Variants in DNAH12 observed in about 807,000 individuals in gnomAD.
DNAH12 encodes dynein axonemal heavy chain 12.
Under a neutral mutation model 371.5 loss-of-function variants are expected in DNAH12, and 285 were observed. The ratio of observed to expected loss-of-function variants is 0.77; its 90% CI spans 0.70 to 0.85. DNAH12 has a LOEUF of 0.85. Among genes scored for constraint, DNAH12 ranks in the 40% least tolerant of loss-of-function variants. The pLI is 0.00. For synonymous variants in DNAH12, 1,200 were observed against 1,213.0 expected (o/e 0.99, Z 0.22); for missense variants, 3,611 against 3,689.4 (o/e 0.98, Z 0.55).
chr3:57,343,720 T>C (rs1553657032), intron 60 of DNAH12, among the ~76,000 whole-genome samples: 2 of 152,124 alleles, frequency 1.3e-5, no homozygotes, highest in African/African-American at 4.8e-5. Flanking sequence ...TGCCTGCCCC[T>C]GGGAACTGAA....
At chr3:57,482,403 A>G (rs2066775582) in intron 13 of DNAH12, among the ~76,000 whole-genome samples, 1 of 151,952 alleles carries the variant, frequency 6.6e-6, no homozygotes, top group African/African-American at 2.4e-5. Flanking sequence ...AATGGCGATC[A>G]TTAAAAAGTC....
chr3:57,356,772 C>T (rs2062811099), intron 59 of DNAH12, among the ~76,000 whole-genome samples: 2 of 152,100 alleles, frequency 1.3e-5, no homozygotes, highest in South Asian at 4.1e-4. Context: ...GACAGTCTCA[C>T]TCTGTTGCGC....
At chr3:57,524,394 T>C (rs1030849975) in intron 2 of DNAH12, among the ~76,000 whole-genome samples, 2 of 152,156 alleles carry the variant, frequency 1.3e-5, no homozygotes, top group African/African-American at 4.8e-5. Flanking sequence ...CAATAAACAG[T>C]TTACCTTCAA....
At chr3:57,335,415 C>G (rs1288784326) in intron 60 of DNAH12, among the ~76,000 whole-genome samples, 1 of 152,218 alleles carries the variant, frequency 6.6e-6, no homozygotes, top group African/African-American at 2.4e-5. Flanking sequence ...CTTGGTTCTA[C>G]TGATAAATAC....
In DNAH12 at chr3:57,481,308, C is replaced by T. The variant is rs13098175; in HGVS notation, c.1650+2068G>A. On this transcript the variant is annotated intron_variant, in intron 13 of 73. Coordinates refer to ENST00000495027, the MANE Select transcript of DNAH12 (RefSeq NM_001366028.2). Reference sequence around the variant, plus strand: ...AACAGAGAGCCAAATCACGAGTGAACTCCCATTCACAATTGCTTCAAAGAG... The same window carrying T: ...AACAGAGAGCCAAATCACGAGTGAATTCCCATTCACAATTGCTTCAAAGAG... Among the ~76,000 whole-genome samples the T allele has an allele frequency of 1.1e-4, 16 of 152,298 alleles. No homozygotes were observed. The East Asian group carries it at 2.9e-3, about 28-fold the overall frequency.
At position 57,408,225 on chromosome 3, in the gene DNAH12, G is replaced by A. The variant is rs539826094; in HGVS notation, c.6276+55C>T. The A allele has an allele frequency of 1.3e-4, 188 of 1,434,956 alleles. 2 individuals are homozygous for A. In the South Asian group the frequency reaches 2.4e-3, roughly 19 times the overall value. 88.9% of individuals were successfully genotyped at this position (1,434,956 alleles called of 1,614,324 possible). On this transcript the variant is annotated intron_variant, in intron 40 of 73. Transcript: ENST00000495027. ...ATAGCATCAAAAAAATAAAATAAGCGCCAAATGAGGGAAATATGTAATACT... is the reference window on the plus strand; with the variant it reads ...ATAGCATCAAAAAAATAAAATAAGCACCAAATGAGGGAAATATGTAATACT...
At chr3:57,536,810 C>T (rs1422581148) in intron 2 of DNAH12, among the ~76,000 whole-genome samples, 2 of 147,234 alleles carry the variant, frequency 1.4e-5, no homozygotes, top group African/African-American at 4.9e-5. Flanking sequence ...TTTAACATAG[C>T]AACAATTTCT....
intron 39 of DNAH12, among the ~76,000 whole-genome samples, chr3:57,409,523 A>G (rs781795568): frequency 5.9e-4 from 89 of 152,098 alleles, no homozygotes; most frequent in Non-Finnish European, 1.6e-4. Context: ...ATATGAGCCT[A>G]TTTTTACACA....
Position 57,445,276 on chromosome 3 carries a change from T to C in DNAH12, c.4323A>G (p.Ser1441=), listed in dbSNP as rs1387522576. The change falls in exon 28 of 74, where the codon TCA becomes TCG. Residue 1441 remains serine (S), a synonymous_variant. Transcript: ENST00000495027. ...TTCCATAGTCGTAATGAAATTGCGATGAGAGCTGCTCTGAGCAAAGCCTAT... is the reference window on the plus strand; with the variant it reads ...TTCCATAGTCGTAATGAAATTGCGACGAGAGCTGCTCTGAGCAAAGCCTAT... ...MTYRLCSEQL[S]SQFHYDYGMR... 2.6e-6 allele frequency: 4 copies of C among 1,551,472 alleles called. No homozygotes were observed. The highest frequency in any genetic ancestry group is 3.5e-6 in the Non-Finnish European group (4 of 1,146,844).
At chr3:57,402,646 A>T (rs1175359827) in intron 43 of DNAH12, among the ~76,000 whole-genome samples, 2 of 152,206 alleles carry the variant, frequency 1.3e-5, no homozygotes, top group Non-Finnish European at 2.9e-5. Flanking sequence ...GACCTCATGG[A>T]GGTAGAGAGT....
chr3:57,319,197 T>A lies in DNAH12; in HGVS notation c.10524+3146A>T, dbSNP rs1296796986. ...TGTTGTTGGTGTACAGAAATGCAAC[T>A]AATTTTTATATGTTGATTTTGTACC... On this transcript the variant is annotated intron_variant, in intron 65 of 73. Coordinates refer to ENST00000495027, the MANE Select transcript of DNAH12 (RefSeq NM_001366028.2). 2.0e-5 allele frequency among the ~76,000 whole-genome samples: 3 copies of A among 152,212 alleles called. No homozygotes were observed. In the East Asian group the frequency reaches 5.8e-4, roughly 29 times the overall value.
At position 57,318,292 on chromosome 3, in the gene DNAH12, T is replaced by C. The variant is rs149466979; in HGVS notation, c.10525-3661A>G. On this transcript the variant is annotated intron_variant, in intron 65 of 73. Transcript: ENST00000495027. ...CTTCCGTAAGTTTTACAGTTTCAAA[T>C]CTTACATGTAAGTCTTTAATCCATT... Among the ~76,000 whole-genome samples the C allele has an allele frequency of 2.9e-3, 444 of 152,316 alleles. 2 individuals carry two copies. Among genetic ancestry groups the C allele is most frequent in the African/African-American group, 0.01 (418 of 41,578 alleles).
At chr3:57,496,804 A>C (rs1202094516) in intron 11 of DNAH12, among the ~76,000 whole-genome samples, 1 of 151,826 alleles carries the variant, frequency 6.6e-6, no homozygotes, top group Non-Finnish European at 1.5e-5. Context: ...CCCTGTCTCT[A>C]CTAAAAATAC....
At chr3:57,470,366 C>CAA (rs35152693) in intron 16 of DNAH12, 77 bp downstream of exon 16, 23,855 of 1,212,788 alleles carry the variant, frequency 0.02, 56 homozygotes, top group Middle Eastern at 0.024. Flanking sequence ...AACACTTAAC[C>CAA]AAAAAAAAAA....
intron 60 of DNAH12, among the ~76,000 whole-genome samples, chr3:57,337,527 C>T (rs527594122): frequency 3.0e-4 from 45 of 152,226 alleles, no homozygotes; most frequent in African/African-American, 8.9e-4. Context: ...GGCATGGTGA[C>T]GTATGCCTGT....
intron 2 of DNAH12, among the ~76,000 whole-genome samples, chr3:57,534,210 C>T (rs1043171798): frequency 6.6e-6 from 1 of 152,316 alleles, no homozygotes; most frequent in African/African-American, 2.4e-5. Context: ...CAGATTCTCT[C>T]TCCATGCCAT....
At chr3:57,503,535 C>T (rs1184986231) in intron 9 of DNAH12, among the ~76,000 whole-genome samples, 5 of 151,722 alleles carry the variant, frequency 3.3e-5, no homozygotes, top group Non-Finnish European at 7.4e-5. Context: ...AGTACAGGCA[C>T]GCGCCACCAT....
chr3:57,378,608 A>G (rs2063328457), intron 52 of DNAH12, among the ~76,000 whole-genome samples: 2 of 152,140 alleles, frequency 1.3e-5, no homozygotes, highest in Admixed American at 6.6e-5. Flanking sequence ...TGCAAGGGCA[A>G]AGCCTTTGTT....
At chr3:57,437,180 T>C in intron 29 of DNAH12, 120 bp from the exon 30 acceptor site, 1 of 689,434 alleles carries the variant, frequency 1.5e-6, no homozygotes, top group Non-Finnish European at 2.4e-6. Context: ...GTTTATTATT[T>C]CTTAAAACTT....
Sources: allele counts gnomAD v4.1 joint callset (sites outside exome capture counted in the v4.1 genomes callset), GRCh38; gene constraint gnomAD v4.1.1; transcripts MANE v1.5; gene names NCBI Gene and HGNC (gene_info 2026-07-23, HGNC 2026-07-21).